NME8: variants seen among roughly 807,000 people sequenced by gnomAD.
The protein encoded by NME8 is NME/NM23 family member 8.
In NME8, 72 loss-of-function variants were observed where a neutral mutation model predicts 82.3. The observed-to-expected ratio is 0.87, with a 90% CI of 0.72 to 1.06. The LOEUF (loss-of-function observed/expected upper bound fraction) is 1.06. Ranked by LOEUF, NME8 falls within the 50% of genes least tolerant of loss-of-function variation. The pLI is 0.00. For synonymous variants in NME8, 267 were observed against 228.5 expected (o/e 1.17, Z -1.52); for missense variants, 712 against 685.4 (o/e 1.04, Z -0.43).
In NME8 at chr7:37,860,981, A is replaced by C. The variant is rs116440432; in HGVS notation, c.271-1047A>C. On this transcript the variant is annotated intron_variant, in intron 6 of 17. Coordinates refer to ENST00000199447, the MANE Select transcript of NME8 (RefSeq NM_016616.5). ...ATTTTACTGCCCAGGTCTCTGTCAC[A>C]CTCATCTACCTCTTTCCATCCTTTC... is the stretch of plus-strand genomic sequence containing the variant. Among the ~76,000 whole-genome samples, 1,190 of 152,118 alleles carry C rather than the reference A, an allele frequency of 7.8e-3. 11 individuals carry two copies. The highest frequency in any genetic ancestry group is 0.027 in the African/African-American group (1,125 of 41,492).
chr7:37,897,396 A>C (rs1020861096), intron 17 of NME8, among the ~76,000 whole-genome samples: 1 of 152,146 alleles, frequency 6.6e-6, no homozygotes, highest in African/African-American at 2.4e-5. Context: ...TGGTTCACAC[A>C]GCTTGGTCTT....
At chr7:37,856,145 A>G (rs1784508185) in intron 5 of NME8, among the ~76,000 whole-genome samples, 1 of 152,172 alleles carries the variant, frequency 6.6e-6, no homozygotes, top group African/African-American at 2.4e-5. Flanking sequence ...GGTTTATGGT[A>G]TTGCACTGAA....
intron 10 of NME8, among the ~76,000 whole-genome samples, chr7:37,866,020 G>T (rs999907705): frequency 4.6e-5 from 7 of 151,872 alleles, no homozygotes; most frequent in African/African-American, 1.5e-4. Context: ...CTCTCAGGCT[G>T]CCCCGACCCC....
chr7:37,882,657 G>GAGAA (rs1257110397), intron 12 of NME8, among the ~76,000 whole-genome samples: 74 of 146,414 alleles, frequency 5.1e-4, no homozygotes, highest in African/African-American at 1.6e-3. Context: ...AAGAAAGAAA[G>GAGAA]AGAAAGAAAG....
chr7:37,896,667 G>T, intron 16 of NME8: 1 of 593,366 alleles, frequency 1.7e-6, no homozygotes, highest in Non-Finnish European at 3.0e-6. Flanking sequence ...ATATTCTCTA[G>T]AATTAAATTA....
chr7:37,861,674 C>G (rs1398389783), intron 6 of NME8, among the ~76,000 whole-genome samples: 2 of 152,084 alleles, frequency 1.3e-5, no homozygotes, highest in African/African-American at 4.8e-5. Flanking sequence ...GGCATGGTGT[C>G]AAAAATAACT....
At chr7:37,861,972 G>C in intron 6 of NME8, 56 bp from the exon 7 acceptor site, 1 of 1,093,868 alleles carries the variant, frequency 9.1e-7, no homozygotes, top group African/African-American at 1.5e-5. Context: ...TTAAGTGTTA[G>C]TTCTTGGTGT....
chr7:37,868,047 A>G (rs1028463163), intron 11 of NME8, 149 bp downstream of exon 11: 4 of 731,218 alleles, frequency 5.5e-6, no homozygotes, highest in Admixed American at 4.2e-5. Flanking sequence ...GTATATTCAG[A>G]AGAGCTGTGT....
chr7:37,899,149 A>G (rs912412192), intron 17 of NME8, among the ~76,000 whole-genome samples: 1 of 152,224 alleles, frequency 6.6e-6, no homozygotes, highest in Non-Finnish European at 1.5e-5. Flanking sequence ...ACCTGGAACC[A>G]GAAATACCAT....
At position 37,888,285 on chromosome 7, in the gene NME8, C is replaced by T; in HGVS notation, c.1256C>T (p.Ala419Val). 1 of 1,613,460 alleles carries T rather than the reference C, an allele frequency of 6.2e-7. No individual in the cohort carries two copies. The highest frequency in any genetic ancestry group is 8.5e-7 in the Non-Finnish European group (1 of 1,179,586). ...AIEYFPESLC[A>V]QFAMDSLPVN... Reference sequence around the variant, plus strand: ...TGACTTCTTTTTCAAAGTTTATGTGCACAGTTTGCGATGGACAGTTTGCCG... The same window carrying T: ...TGACTTCTTTTTCAAAGTTTATGTGTACAGTTTGCGATGGACAGTTTGCCG... Residue 419 changes from alanine (A) to valine (V), a missense_variant, in exon 15 of 18, where the codon GCA becomes GTA. Physicochemically the swap from Ala to Val is moderately conservative, Grantham distance 64. Coordinates refer to ENST00000199447, the MANE Select transcript of NME8 (RefSeq NM_016616.5).
At chr7:37,861,932 G>A in intron 6 of NME8, 96 bp from the exon 7 acceptor site, 4 of 812,862 alleles carry the variant, frequency 4.9e-6, no homozygotes, top group South Asian at 2.7e-5. Context: ...GATGAGAGTA[G>A]GGTAGAAGGG....
chr7:37,854,500 C>T (rs558937236), intron 5 of NME8, among the ~76,000 whole-genome samples: 3 of 152,182 alleles, frequency 2.0e-5, no homozygotes, highest in African/African-American at 4.8e-5. Flanking sequence ...TTTTTCATTG[C>T]TCTAAAAATG....
At chr7:37,865,912 A>T (rs73691362) in intron 10 of NME8, among the ~76,000 whole-genome samples, 1 of 151,990 alleles carries the variant, frequency 6.6e-6, no homozygotes, top group Non-Finnish European at 1.5e-5. Flanking sequence ...TCTGGAAGTG[A>T]ATATCCAGTC....
At chr7:37,888,198 T>TGTTA in intron 14 of NME8, 79 bp from the exon 15 acceptor site, 1 of 1,457,148 alleles carries the variant, frequency 6.9e-7, no homozygotes, top group African/African-American at 1.4e-5. Context: ...ATTTGATAAC[T>TGTTA]TTTGAACAAC....
intron 14 of NME8, among the ~76,000 whole-genome samples, chr7:37,887,688 C>T (rs1389368307): frequency 7.9e-5 from 12 of 152,060 alleles, no homozygotes; most frequent in African/African-American, 2.2e-4. Context: ...AAGAAATATC[C>T]GAGACTGGGT....
chr7:37,860,625 A>C (rs1456228175), intron 6 of NME8, among the ~76,000 whole-genome samples: 1 of 152,194 alleles, frequency 6.6e-6, no homozygotes. Flanking sequence ...TCTCCTTAGA[A>C]AATTTCCTCT....
At chr7:37,865,672 TA>T (rs1784666028) in intron 10 of NME8, 55 bp downstream of exon 10, 2 of 1,200,120 alleles carry the variant, frequency 1.7e-6, no homozygotes, top group African/African-American at 3.0e-5. Flanking sequence ...GTGGCCTCCA[TA>T]AGCTTTAAAT....
rs539583144 is a variant in NME8 at position 37,884,364 on chromosome 7, A to C, written c.1056A>C (p.Val352=). 4 of 1,602,856 alleles carry C rather than the reference A, an allele frequency of 2.5e-6. No individual in the cohort carries two copies. The East Asian group carries it at 8.9e-5, about 36-fold the overall frequency. The change falls in exon 13 of 18, where the codon GTA becomes GTC. Residue 352 remains valine, a synonymous_variant. Transcript: ENST00000199447. ...AAATACTGGAGCAAAGACAAGTAGT[A>C]TTATCGGAAAAAGAAGCACAAGCAC... ...DFKILEQRQV[V]LSEKEAQALC...
chr7:37,884,737 G>A (rs1642624994), intron 13 of NME8, among the ~76,000 whole-genome samples: 1 of 152,232 alleles, frequency 6.6e-6, no homozygotes. Flanking sequence ...AGTTTAAGCA[G>A]AGAACTGACT....
Sources: gnomAD v4.1 joint callset for allele counts (sites outside exome capture counted in the v4.1 genomes callset) on GRCh38, gnomAD v4.1.1 for gene constraint, MANE v1.5 for transcripts, NCBI Gene and HGNC (gene_info 2026-07-23, HGNC 2026-07-21) for gene names.